The following LAMB1 variants were observed in gnomAD, a reference collection of about 807,000 sequenced individuals.
The protein encoded by LAMB1 is laminin subunit beta-1.
A neutral mutation model predicts 222.3 loss-of-function variants in LAMB1; 121 were observed. That is an observed-to-expected ratio of 0.54 (90% CI 0.47 to 0.63). The LOEUF (loss-of-function observed/expected upper bound fraction) is 0.63, where lower values mean the gene tolerates loss of function less well. LAMB1 is among the 30% of genes least tolerant of loss of function. LAMB1 has a pLI of 0.00. For missense variants in LAMB1, 2,172 were observed against 2,240.8 expected (o/e 0.97, Z 0.62); for synonymous variants, 794 against 807.2 (o/e 0.98, Z 0.28).
Position 107,955,614 on chromosome 7 carries a change from A to G in LAMB1, c.2707T>C (p.Tyr903His). The G allele has an allele frequency of 6.2e-7, 1 of 1,613,068 alleles. No homozygotes were observed. Among genetic ancestry groups the G allele is most frequent in the Non-Finnish European group, 8.5e-7 (1 of 1,179,526 alleles). The change falls in exon 21 of 34, where the codon TAT (tyrosine) becomes CAT (histidine). Residue 903 changes from tyrosine to histidine, a missense_variant. By Grantham distance (83) the Tyr-to-His change is moderately conservative (BLOSUM62 2). Coordinates refer to ENST00000222399, the MANE Select transcript of LAMB1 (RefSeq NM_002291.3). ...HNCERCLAGY[Y>H]GDPIIGSGDH... ...CCTGACCCAATGATGGGGTCGCCAT[A>G]GTAACCAGCCAAGCACCTGCATCAG...
At chr7:107,946,040 C>G (rs2033108059) in intron 24 of LAMB1, among the ~76,000 whole-genome samples, 1 of 152,164 alleles carries the variant, frequency 6.6e-6, no homozygotes, top group Non-Finnish European at 1.5e-5. Flanking sequence ...ATTGGTCACT[C>G]AGTACTGGGC....
intron 24 of LAMB1, among the ~76,000 whole-genome samples, chr7:107,941,655 A>AT (rs35218754): frequency 0.01 from 1,447 of 143,580 alleles, 28 homozygotes; most frequent in African/African-American, 0.032. Flanking sequence ...GCTTTCTCGG[A>AT]TTTTTTTTTT....
intron 2 of LAMB1, chr7:108,002,157 G>C (rs2034401747): frequency 6.9e-7 from 1 of 1,442,456 alleles, no homozygotes; most frequent in East Asian, 3.1e-5. Context: ...GCACGCGGCA[G>C]CCCGCGCATC....
At chr7:107,926,077 T>A in intron 32 of LAMB1, 106 bp downstream of exon 32, 1 of 793,964 alleles carries the variant, frequency 1.3e-6, no homozygotes, top group Non-Finnish European at 2.0e-6. Context: ...ATATTTCTGA[T>A]GAATTCTGTT....
At chr7:107,962,293 C>G (rs1303854482) in intron 15 of LAMB1, among the ~76,000 whole-genome samples, 1 of 152,220 alleles carries the variant, frequency 6.6e-6, no homozygotes, top group African/African-American at 2.4e-5. Flanking sequence ...GGGCTTCAGT[C>G]TGTCACTGCA....
At chr7:107,942,300 A>T (rs939801285) in intron 24 of LAMB1, 1 of 152,362 alleles carries the variant, frequency 6.6e-6, no homozygotes, top group African/African-American at 2.4e-5. Context: ...TTCCTCTGAA[A>T]AACTTTCTAA....
At chr7:107,959,614 C>A (rs1365263943) in intron 19 of LAMB1, 77 bp downstream of exon 19, 4 of 1,613,352 alleles carry the variant, frequency 2.5e-6, no homozygotes, top group African/African-American at 1.3e-5. Flanking sequence ...GAAGCATCGG[C>A]TCTGCAGCAA....
intron 27 of LAMB1, among the ~76,000 whole-genome samples, chr7:107,933,484 C>A (rs1324049181): frequency 1.3e-5 from 2 of 152,058 alleles, no homozygotes; most frequent in Non-Finnish European, 2.9e-5. Flanking sequence ...AAAGTGTATT[C>A]TGCATGCTGT....
intron 3 of LAMB1, among the ~76,000 whole-genome samples, chr7:108,000,887 A>G (rs2034370141): frequency 2.0e-5 from 3 of 152,236 alleles, no homozygotes; most frequent in South Asian, 4.1e-4. Flanking sequence ...CTGATTCTGA[A>G]TATTTTACAC....
chr7:107,937,806 G>A (rs7810687), intron 25 of LAMB1, among the ~76,000 whole-genome samples: 1,752 of 152,240 alleles, frequency 0.012, 53 homozygotes, highest in African/African-American at 0.04. Context: ...CCTCTCTTCC[G>A]TCAGAGGGGC....
chr7:107,928,865 T>C (rs1584481928), intron 31 of LAMB1, among the ~76,000 whole-genome samples, 199 bp downstream of exon 31: 1 of 152,184 alleles, frequency 6.6e-6, no homozygotes, highest in Non-Finnish European at 1.5e-5. Context: ...GTCCAGTGTC[T>C]GAATCAGAGT....
intron 13 of LAMB1, among the ~76,000 whole-genome samples, chr7:107,965,741 T>A (rs2033621720): frequency 6.6e-6 from 1 of 152,096 alleles, no homozygotes; most frequent in Admixed American, 6.5e-5. Flanking sequence ...CATCCCAAAG[T>A]TTTAAACAAG....
chr7:107,969,243 G>A lies in LAMB1; in HGVS notation c.1562+3749C>T, dbSNP rs530657902. Among the ~76,000 whole-genome samples, 334 of 148,778 alleles carry A rather than the reference G, an allele frequency of 2.2e-3. 1 individual carries two copies. The highest frequency in any genetic ancestry group is 7.0e-3 in the Middle Eastern group (2 of 286). On this transcript the variant is annotated intron_variant, in intron 13 of 33. Coordinates refer to ENST00000222399, the MANE Select transcript of LAMB1 (RefSeq NM_002291.3). ...GCGGAGCTTGCAGTGAGCCAAGATCGCGCCACTGCACTCCAGCCTGGGCGA... is the reference window on the plus strand; with the variant it reads ...GCGGAGCTTGCAGTGAGCCAAGATCACGCCACTGCACTCCAGCCTGGGCGA...
intron 5 of LAMB1, among the ~76,000 whole-genome samples, chr7:107,990,333 C>G (rs2034159058): frequency 6.6e-6 from 1 of 152,156 alleles, no homozygotes; most frequent in African/African-American, 2.4e-5. Context: ...AGCCACTATG[C>G]CTGGCCAAGA....
intron 24 of LAMB1, among the ~76,000 whole-genome samples, chr7:107,949,418 TA>T (rs1481231917): frequency 6.6e-6 from 1 of 152,230 alleles, no homozygotes; most frequent in Non-Finnish European, 1.5e-5. Flanking sequence ...TGTGCAACGA[TA>T]GAGCCATTAT....
At chr7:107,996,739 A>G (rs1473260841) in intron 4 of LAMB1, among the ~76,000 whole-genome samples, 1 of 152,210 alleles carries the variant, frequency 6.6e-6, no homozygotes, top group Non-Finnish European at 1.5e-5. Context: ...CGACATAACT[A>G]AGAAAAACCT....
intron 29 of LAMB1, among the ~76,000 whole-genome samples, chr7:107,930,911 G>A (rs1333360188): frequency 3.9e-5 from 6 of 152,160 alleles, no homozygotes; most frequent in Non-Finnish European, 7.4e-5. Flanking sequence ...AGAGTTTTCT[G>A]TAATTTGCAG....
In LAMB1 at chr7:107,962,918, C is replaced by T. The variant is rs371422520; in HGVS notation, c.1844G>A (p.Arg615His). The T allele has an allele frequency of 3.1e-5, 50 of 1,611,774 alleles. No homozygotes were observed. The highest frequency in any genetic ancestry group is 2.4e-4 in the South Asian group (22 of 90,822). ...PYSMEYDILI[R>H]YEPQLPDHWE... The stretch of plus-strand genomic sequence containing the variant: ...TGGTTTCTTTACCTGTGGCTCGTAG[C>T]GAATTAGGATGTCGTACTCCATGGA... Residue 615 changes from arginine (R) to histidine (H), a missense_variant, in exon 15 of 34, where the codon CGC (arginine) becomes CAC (histidine). Arg to His is a conservative substitution (Grantham distance 29). Coordinates refer to ENST00000222399, the MANE Select transcript of LAMB1 (RefSeq NM_002291.3).
intron 14 of LAMB1, among the ~76,000 whole-genome samples, chr7:107,964,114 A>G (rs2033574476): frequency 6.6e-6 from 1 of 152,198 alleles, no homozygotes; most frequent in African/African-American, 2.4e-5. Context: ...AAGAAAAAAG[A>G]AAGGTCGTGT....
Sources: allele counts gnomAD v4.1 joint callset (sites outside exome capture counted in the v4.1 genomes callset), GRCh38; gene constraint gnomAD v4.1.1; transcripts MANE v1.5; gene names NCBI Gene and HGNC (gene_info 2026-07-23, HGNC 2026-07-21).